TBL3: variants seen among roughly 807,000 people sequenced by gnomAD.
TBL3 encodes the protein transducin beta-like protein 3.
In TBL3, 71 loss-of-function variants were observed where a neutral mutation model predicts 102.7. That is an observed-to-expected ratio of 0.69 (90% CI 0.57 to 0.84). TBL3 has a LOEUF of 0.84. TBL3 is among the 40% of genes least tolerant of loss of function. The pLI is 0.00. For missense variants in TBL3, 1,188 were observed against 1,098.5 expected, an observed-to-expected ratio of 1.08 and a Z score of -1.15; for synonymous variants, 578 against 477.7, an observed-to-expected ratio of 1.21 and a Z score of -2.74.
At position 1,981,162 on chromosome 16, in the gene TBL3, G is replaced by T. The variant is rs139337010; in HGVS notation, c.*2477G>T. The T allele has an allele frequency of 9.0e-5, 145 of 1,613,538 alleles. No homozygotes were observed. The East Asian group carries it at 2.9e-3, about 32-fold the overall frequency. ...GGGCTGCCCCTTGCACTGAAACTGGGTATCGGGGGCCTGCCATGGCTGTGG... is the reference window on the plus strand; with the variant it reads ...GGGCTGCCCCTTGCACTGAAACTGGTTATCGGGGGCCTGCCATGGCTGTGG... On this transcript the variant is annotated 3_prime_UTR_variant, in exon 22 of 22. Transcript: ENST00000568546.
In TBL3 at chr16:1,976,090, G is replaced by A. The variant is rs1273503892; in HGVS notation, c.1164G>A (p.Gly388=). ...TGGCCCTGGATGTGTTCCGGAAGGG[G>A]TGGCTCTTTGCCAGCTGTGCCAAGG... is the stretch of plus-strand genomic sequence containing the variant. ...IVLALDVFRK[G]WLFASCAKDQ... The change falls in exon 12 of 22, where the codon GGG becomes GGA. Residue 388 remains glycine, a synonymous_variant. Coordinates refer to ENST00000568546, the MANE Select transcript of TBL3 (RefSeq NM_006453.3). 1 of 1,614,082 alleles carries A rather than the reference G, an allele frequency of 6.2e-7. No homozygotes were observed. The highest frequency in any genetic ancestry group is 1.3e-5 in the African/African-American group (1 of 74,948).
At chr16:1,973,487 AG>A (rs1253966282) in intron 1 of TBL3, among the ~76,000 whole-genome samples, 1 of 152,204 alleles carries the variant, frequency 6.6e-6, no homozygotes, top group Non-Finnish European at 1.5e-5. Flanking sequence ...TCCAGTGAAG[AG>A]GCCAGAGTGG....
Position 1,979,990 on chromosome 16 carries a change from G to A in TBL3, c.*1305G>A, listed in dbSNP as rs779842632. 6.3e-7 allele frequency: 1 copy of A among 1,598,344 alleles called. No individual in the cohort carries two copies. The highest frequency in any genetic ancestry group is 8.5e-7 in the Non-Finnish European group (1 of 1,173,690). The stretch of plus-strand genomic sequence containing the variant: ...GAGCAAATCCCTGGGTTCTTGGGGG[G>A]CCCTACCTGAGGGGTGCCGCAGCAG... On this transcript the variant is annotated 3_prime_UTR_variant, in exon 22 of 22. Transcript: ENST00000568546.
intron 12 of TBL3, 46 bp from the exon 13 acceptor site, chr16:1,976,165 C>T (rs1325521966): frequency 5.6e-6 from 9 of 1,613,512 alleles, no homozygotes; most frequent in African/African-American, 1.3e-5. Flanking sequence ...GGAGGCCACG[C>T]AGTAGGCCCA....
At chr16:1,974,729 G>C (rs373494586) in intron 5 of TBL3, 34 bp from the exon 6 acceptor site, 2 of 1,611,942 alleles carry the variant, frequency 1.2e-6, no homozygotes. Flanking sequence ...CAGGGGCTTT[G>C]GGCATTCCAC....
rs1231981858 is a variant in TBL3, at chr16:1,978,315, G to A, written c.2137G>A (p.Ala713Thr). Residue 713 changes from alanine (A) to threonine (T), a missense_variant and splice_region_variant, in exon 21 of 22, where the codon GCC (alanine) becomes ACC (threonine). By Grantham distance (58) the Ala-to-Thr change is moderately conservative (BLOSUM62 0). Coordinates refer to ENST00000568546, the MANE Select transcript of TBL3 (RefSeq NM_006453.3). ...GATGAGGGTCCTGTTGCCCACAGAG[G>A]CCCTGCTGCGCTTCTGCGTCACGTG... ...MLRLRRDQKE[A>T]LLRFCVTWNT... The A allele has an allele frequency of 1.1e-5, 17 of 1,609,734 alleles. No homozygotes were observed. The highest frequency in any genetic ancestry group is 1.4e-5 in the Non-Finnish European group (17 of 1,177,974).
At chr16:1,973,816 C>T (rs2150882009) in intron 1 of TBL3, among the ~76,000 whole-genome samples, 1 of 152,276 alleles carries the variant, frequency 6.6e-6, no homozygotes, top group East Asian at 1.9e-4. Flanking sequence ...CTGACACAGG[C>T]CCACCCCCTA....
At chr16:1,972,867 T>A (rs1347385626) in intron 1 of TBL3, among the ~76,000 whole-genome samples, 2 of 152,144 alleles carry the variant, frequency 1.3e-5, no homozygotes, top group Non-Finnish European at 2.9e-5. Context: ...GTTTTGGCAG[T>A]CAGGCTTCCA....
rs8053843 is a variant in TBL3 at position 1,975,205 on chromosome 16, A to C, written c.654A>C (p.Ile218=). 380,812 of 1,613,560 alleles carry C rather than the reference A, an allele frequency of 0.24. 46,950 individuals are homozygous for C. Among genetic ancestry groups the C allele is most frequent in the South Asian group, 0.3 (26,957 of 91,066 alleles). ...CCTTCAGCTCCGGCCGTGACAAGAT[A>C]TGTATCATCTGGGACCTTCAGAGCT... is the stretch of plus-strand genomic sequence containing the variant. ...HTMLSSGRDK[I]CIIWDLQSCQ... is the part of the protein sequence containing the mutation. Residue 218 remains isoleucine, a synonymous_variant, in exon 8 of 22, where the codon ATA becomes ATC. Coordinates refer to ENST00000568546, the MANE Select transcript of TBL3 (RefSeq NM_006453.3).
Position 1,975,608 on chromosome 16 carries a change from G to A in TBL3, c.885G>A (p.Leu295=), listed in dbSNP as rs766947369. 36 of 1,602,030 alleles carry A rather than the reference G, an allele frequency of 2.2e-5. No individual in the cohort carries two copies. Among genetic ancestry groups the A allele is most frequent in the Admixed American group, 3.3e-5 (2 of 59,950 alleles). The change falls in exon 10 of 22, where the codon CTG becomes CTA. Residue 295 remains leucine (L), a synonymous_variant. Transcript: ENST00000568546. ...AGCCGCCGGGCCCTGGGCAGGAGCT[G>A]ACCCACTGCACCCTGGCACACACCG... ...QAQPPGPGQE[L]THCTLAHTAG...
rs2083392977 is a variant in TBL3, at chr16:1,975,427, C to T, written c.794C>T (p.Ala265Val). 1 of 1,613,762 alleles carries T rather than the reference C, an allele frequency of 6.2e-7. No homozygotes were observed. The highest frequency in any genetic ancestry group is 2.2e-5 in the East Asian group (1 of 44,890). The change falls in exon 9 of 22, where the codon GCT becomes GTT. Residue 265 changes from alanine to valine, a missense_variant. Ala to Val is a moderately conservative substitution (Grantham distance 64). Coordinates refer to ENST00000568546, the MANE Select transcript of TBL3 (RefSeq NM_006453.3). ...TCCCCAGGGCTGTACTTTCTGACAG[C>T]TGGCGACCAAGGTGTGTTGGGCCGG... is the stretch of plus-strand genomic sequence containing the variant. The part of the protein sequence containing the change: ...VKSPGLYFLT[A>V]GDQGTLRVWE...
chr16:1,979,304 C>G lies in TBL3; in HGVS notation c.*619C>G. The stretch of plus-strand genomic sequence containing the variant: ...CGCTCAGGAGAGCGCCCAGCCCTTC[C>G]GGCCGCAGCAGCACCGCGGGGAGTA... On this transcript the variant is annotated 3_prime_UTR_variant, in exon 22 of 22. Transcript: ENST00000568546. 3 of 1,567,684 alleles carry G rather than the reference C, an allele frequency of 1.9e-6. No homozygotes were observed. The highest frequency in any genetic ancestry group is 2.4e-5 in the East Asian group (1 of 42,506).
chr16:1,977,011 G>A lies in TBL3; in HGVS notation c.1441-43G>A, dbSNP rs1320076336. 3.1e-6 allele frequency: 5 copies of A among 1,612,334 alleles called. No homozygotes were observed. The Admixed American group carries it at 5.0e-5, about 16-fold the overall frequency. On this transcript the variant is annotated intron_variant, in intron 14 of 21. Transcript: ENST00000568546. The stretch of plus-strand genomic sequence containing the variant: ...GGGTGTGGCCAAGCCCTTGCTGGGG[G>A]AAGATGGGGGATTGCTGAGCCACCA...
In TBL3 at chr16:1,979,184, G is replaced by A. The variant is rs1474859688; in HGVS notation, c.*499G>A. On this transcript the variant is annotated 3_prime_UTR_variant, in exon 22 of 22. Transcript: ENST00000568546. ...TCTGGATGGCGCCCGGCGAAGGTCGGGTGGGCACGGTGGGGGGAGGGGCGG... is the reference window on the plus strand; with the variant it reads ...TCTGGATGGCGCCCGGCGAAGGTCGAGTGGGCACGGTGGGGGGAGGGGCGG... 8.9e-6 allele frequency: 13 copies of A among 1,459,082 alleles called. No individual in the cohort carries two copies. In the South Asian group the frequency reaches 1.2e-4, roughly 14 times the overall value. 90.4% of individuals were successfully genotyped at this position (1,459,082 alleles called of 1,614,324 possible).
rs772734585 is a variant in TBL3, at chr16:1,974,821, C to T, written c.438C>T (p.His146=). 2.4e-5 allele frequency: 38 copies of T among 1,613,280 alleles called. No homozygotes were observed. Among genetic ancestry groups the T allele is most frequent in the Non-Finnish European group, 3.1e-5 (37 of 1,179,998 alleles). ...WDIVRHYGTH[H]FRGSPGVVHL... is the part of the protein sequence containing the mutation. ...TCGTGCGGCACTACGGGACACACCA[C>T]TTCCGAGGCTCGCCCGGTGTCGTGC... Residue 146 remains histidine, a synonymous_variant, in exon 6 of 22, where the codon CAC becomes CAT. Transcript: ENST00000568546.
At position 1,979,857 on chromosome 16, in the gene TBL3, T is replaced by C; in HGVS notation, c.*1172T>C. 1 of 1,581,538 alleles carries C rather than the reference T, an allele frequency of 6.3e-7. No homozygotes were observed. The highest frequency in any genetic ancestry group is 1.8e-5 in the Admixed American group (1 of 55,750). ...GGGCCGCCTCCTCCAGGTAGGGCGCTGGAAACCAGGCGGTCTGCCGGTCTT... is the reference window on the plus strand; with the variant it reads ...GGGCCGCCTCCTCCAGGTAGGGCGCCGGAAACCAGGCGGTCTGCCGGTCTT... On this transcript the variant is annotated 3_prime_UTR_variant, in exon 22 of 22. Transcript: ENST00000568546.
At position 1,980,153 on chromosome 16, in the gene TBL3, G is replaced by C; in HGVS notation, c.*1468G>C. 6.2e-7 allele frequency: 1 copy of C among 1,604,696 alleles called. No homozygotes were observed. Among genetic ancestry groups the C allele is most frequent in the Non-Finnish European group, 8.5e-7 (1 of 1,178,038 alleles). Reference sequence around the variant, plus strand: ...CGGCCCGCAGCGCGAGAAAGAGGCTGCTCCTCTGGGGTGGGCAGGATCACC... The same window carrying C: ...CGGCCCGCAGCGCGAGAAAGAGGCTCCTCCTCTGGGGTGGGCAGGATCACC... On this transcript the variant is annotated 3_prime_UTR_variant, in exon 22 of 22. Transcript: ENST00000568546.
rs146227413 is a variant in TBL3 at position 1,974,963 on chromosome 16, T to A, written c.500T>A (p.Leu167Gln). 6 of 1,609,986 alleles carry A rather than the reference T, an allele frequency of 3.7e-6. No homozygotes were observed. In the African/African-American group the frequency reaches 8.0e-5, roughly 21 times the overall value. The change falls in exon 7 of 22, where the codon CTG (leucine) becomes CAG (glutamine). Residue 167 changes from leucine (L) to glutamine (Q), a missense_variant. Coordinates refer to ENST00000568546, the MANE Select transcript of TBL3 (RefSeq NM_006453.3). ...VAFHPDPTRL[L>Q]LFSSATDAAI... is the part of the protein sequence containing the mutation. ...TTCCACCCGGACCCTACACGCCTGC[T>A]GCTCTTCTCCTCGGCCACGGATGCC... is the stretch of plus-strand genomic sequence containing the variant.
intron 5 of TBL3, 23 bp downstream of exon 5, chr16:1,974,702 G>A (rs777788465): frequency 1.2e-6 from 2 of 1,611,200 alleles, no homozygotes; most frequent in Admixed American, 1.7e-5. Context: ...CGTGCAGGTG[G>A]GTCGTGGGCA....
Sources: gnomAD v4.1 joint callset for allele counts (sites outside exome capture counted in the v4.1 genomes callset) on GRCh38, gnomAD v4.1.1 for gene constraint, MANE v1.5 for transcripts, NCBI Gene and HGNC (gene_info 2026-07-23, HGNC 2026-07-21) for gene names.